The following TLK1 variants were observed in gnomAD, a reference collection of about 807,000 sequenced individuals.
TLK1 encodes the protein tousled like kinase 1.
Under a neutral mutation model 105.3 loss-of-function variants are expected in TLK1, and 24 were observed. The ratio of observed to expected loss-of-function variants is 0.23; its 90% CI spans 0.17 to 0.32. The LOEUF (loss-of-function observed/expected upper bound fraction) is 0.32, where lower values mean the gene tolerates loss of function less well. Among genes scored for constraint, TLK1 ranks in the 10% least tolerant of loss-of-function variants. The pLI, the probability that TLK1 is intolerant of heterozygous loss-of-function variation, is 1.00. For synonymous variants in TLK1, 321 were observed against 310.4 expected, an observed-to-expected ratio of 1.03 and a Z score of -0.36; for missense variants, 558 against 910.5, an observed-to-expected ratio of 0.61 and a Z score of 4.98.
chr2:171,151,315 G>A (rs1692024879), intron 1 of TLK1, among the ~76,000 whole-genome samples: 1 of 151,198 alleles, frequency 6.6e-6, no homozygotes, highest in Admixed American at 6.6e-5. Context: ...CACTGTGCCT[G>A]GCCCTTGGAT....
intron 1 of TLK1, among the ~76,000 whole-genome samples, chr2:171,134,734 T>C (rs1336120862): frequency 2.1e-5 from 3 of 145,318 alleles, no homozygotes; most frequent in Non-Finnish European, 3.0e-5. Context: ...CCTTTTTTTT[T>C]TTTTTTTTTT....
Position 171,108,092 on chromosome 2 carries a change from A to C in TLK1, c.258+9647T>G, listed in dbSNP as rs535191291. Reference sequence around the variant, plus strand: ...ACAACAACAACAACAACAACAAAAAAACAGGAGCCAGGAGACCACAGCAAT... The same window carrying C: ...ACAACAACAACAACAACAACAAAAACACAGGAGCCAGGAGACCACAGCAAT... On this transcript the variant is annotated intron_variant, in intron 2 of 20. Coordinates refer to ENST00000431350, the MANE Select transcript of TLK1 (RefSeq NM_012290.5). 8.7e-5 allele frequency among the ~76,000 whole-genome samples: 13 copies of C among 150,272 alleles called. No homozygotes were observed. In the East Asian group the frequency reaches 2.1e-3, roughly 25 times the overall value.
chr2:171,176,618 T>G (rs1692831891), intron 1 of TLK1, among the ~76,000 whole-genome samples: 2 of 152,296 alleles, frequency 1.3e-5, no homozygotes, highest in Middle Eastern at 3.4e-3. Flanking sequence ...AATATTACCA[T>G]TGCTCCTTTT....
chr2:171,107,496 G>C (rs919268804), intron 2 of TLK1, among the ~76,000 whole-genome samples: 1 of 152,142 alleles, frequency 6.6e-6, no homozygotes, highest in Non-Finnish European at 1.5e-5. Context: ...ATTCTTCTAA[G>C]AGACTATTAT....
At chr2:171,044,847 T>G (rs936674530) in intron 11 of TLK1, among the ~76,000 whole-genome samples, 3 of 152,162 alleles carry the variant, frequency 2.0e-5, no homozygotes, top group African/African-American at 7.2e-5. Flanking sequence ...TCAGTGCTGC[T>G]ACGTAAGTTA....
intron 2 of TLK1, among the ~76,000 whole-genome samples, chr2:171,112,110 C>A (rs1690202693): frequency 6.6e-6 from 1 of 152,116 alleles, no homozygotes; most frequent in Non-Finnish European, 1.5e-5. Context: ...CGCCACCATG[C>A]CCAGCTAATT....
At chr2:171,036,535 G>C (rs1457633716) in intron 11 of TLK1, among the ~76,000 whole-genome samples, 2 of 152,242 alleles carry the variant, frequency 1.3e-5, no homozygotes, top group African/African-American at 4.8e-5. Flanking sequence ...ATTATTCCCA[G>C]ACCTTGAATC....
At chr2:171,042,712 T>TAAAAAAAAAA (rs71399592) in intron 11 of TLK1, among the ~76,000 whole-genome samples, 2 of 138,012 alleles carry the variant, frequency 1.4e-5, no homozygotes, top group Admixed American at 7.3e-5. Context: ...AGAAACTGGT[T>TAAAAAAAAAA]AAAAAAAAAA....
chr2:171,094,221 G>A (rs1689357533), intron 2 of TLK1, among the ~76,000 whole-genome samples: 1 of 152,164 alleles, frequency 6.6e-6, no homozygotes, highest in African/African-American at 2.4e-5. Context: ...GTAAAGAGTA[G>A]GGGCAGAAGC....
chr2:171,135,405 A>C (rs1691273748), intron 1 of TLK1, among the ~76,000 whole-genome samples: 1 of 151,640 alleles, frequency 6.6e-6, no homozygotes. Flanking sequence ...TAAAAATATT[A>C]ATTGAGCTAG....
At chr2:171,047,058 T>C (rs1686996725) in intron 10 of TLK1, among the ~76,000 whole-genome samples, 1 of 151,822 alleles carries the variant, frequency 6.6e-6, no homozygotes, top group African/African-American at 2.4e-5. Flanking sequence ...GACAAGAAAA[T>C]AGCAAGAAAA....
intron 12 of TLK1, among the ~76,000 whole-genome samples, chr2:171,023,438 C>CACACAT (rs761331724): frequency 6.6e-6 from 1 of 151,324 alleles, no homozygotes; most frequent in African/African-American, 2.4e-5. Context: ...CACACACACA[C>CACACAT]CAAAACACAC....
chr2:171,164,610 A>G (rs1467802365), upstream of TLK1, among the ~76,000 whole-genome samples: 1 of 152,240 alleles, frequency 6.6e-6, no homozygotes, highest in African/African-American at 2.4e-5. Context: ...AAAACAAATC[A>G]TGTATTTCTT....
At chr2:171,082,560 A>G (rs1330993242) in intron 3 of TLK1, among the ~76,000 whole-genome samples, 2 of 152,228 alleles carry the variant, frequency 1.3e-5, no homozygotes, top group Non-Finnish European at 2.9e-5. Flanking sequence ...TTCATTTACA[A>G]GTTCAGCTAC....
intron 1 of TLK1, among the ~76,000 whole-genome samples, chr2:171,133,136 T>C (rs1575617874): frequency 6.6e-6 from 1 of 152,288 alleles, no homozygotes; most frequent in East Asian, 1.9e-4. Flanking sequence ...AAATTAAACA[T>C]TGTTACCTGT....
chr2:171,150,021 A>C (rs959394526), intron 1 of TLK1, among the ~76,000 whole-genome samples: 7 of 152,336 alleles, frequency 4.6e-5, no homozygotes, highest in Admixed American at 2.6e-4. Context: ...ATAATGAAAC[A>C]TTTGATAAAC....
intron 1 of TLK1, among the ~76,000 whole-genome samples, chr2:171,129,711 C>T (rs1173923080): frequency 6.6e-6 from 1 of 151,922 alleles, no homozygotes; most frequent in Non-Finnish European, 1.5e-5. Flanking sequence ...CATGGTAGTC[C>T]GCACCTATAG....
At chr2:171,161,079 A>G (rs1304208895), upstream of TLK1, among the ~76,000 whole-genome samples, 2 of 147,580 alleles carry the variant, frequency 1.4e-5, no homozygotes, top group Non-Finnish European at 1.5e-5. Context: ...GCGAGGGAAG[A>G]GACTAGAGCG....
At chr2:171,104,006 T>C (rs148279713) in intron 2 of TLK1, among the ~76,000 whole-genome samples, 1,793 of 152,320 alleles carry the variant, frequency 0.012, 18 homozygotes, top group Middle Eastern at 0.027. Context: ...AAGCAATCTC[T>C]GGCTGGGAGC....
Sources: gnomAD v4.1 joint callset for allele counts (sites outside exome capture counted in the v4.1 genomes callset) on GRCh38, gnomAD v4.1.1 for gene constraint, MANE v1.5 for transcripts, NCBI Gene and HGNC (gene_info 2026-07-23, HGNC 2026-07-21) for gene names.